The following ROBO2 variants were observed in gnomAD, a reference collection of about 807,000 sequenced individuals.
The protein encoded by ROBO2 is roundabout homolog 2.
In ROBO2, 53 loss-of-function variants were observed where a neutral mutation model predicts 160.8. That is an observed-to-expected ratio of 0.33 (90% confidence interval 0.26 to 0.41). The LOEUF (loss-of-function observed/expected upper bound fraction) is 0.41, where lower values mean the gene tolerates loss of function less well. Among genes scored for constraint, ROBO2 ranks in the 10% least tolerant of loss-of-function variants. The pLI is 1.00. For synonymous variants in ROBO2, 664 were observed against 611.7 expected, an observed-to-expected ratio of 1.09 and a Z score of -1.26; for missense variants, 1,577 against 1,722.4, an observed-to-expected ratio of 0.92 and a Z score of 1.49.
At chr3:76,859,098 A>C (rs1032369812) in intron 2 of ROBO2, among the ~76,000 whole-genome samples, 1 of 152,228 alleles carries the variant, frequency 6.6e-6, no homozygotes, top group Admixed American at 6.5e-5. Flanking sequence ...GAATATGGGC[A>C]TCACTTGCAT....
intron 2 of ROBO2, among the ~76,000 whole-genome samples, chr3:76,662,047 C>T (rs752228571): frequency 2.0e-5 from 3 of 152,042 alleles, no homozygotes; most frequent in Non-Finnish European, 2.9e-5. Context: ...TTAATGTTAA[C>T]GCTAGTGAGT....
intron 25 of ROBO2, 64 bp downstream of exon 27, chr3:77,644,968 G>C: frequency 6.7e-7 from 1 of 1,494,206 alleles, no homozygotes; most frequent in Non-Finnish European, 9.3e-7. Flanking sequence ...TAATAACATT[G>C]CCACATTAAA....
At chr3:76,677,652 A>G (rs12233577) in intron 2 of ROBO2, among the ~76,000 whole-genome samples, 46,010 of 151,876 alleles carry the variant, frequency 0.3, 8,500 homozygotes, top group East Asian at 0.62. Flanking sequence ...TCATAAAGTA[A>G]TAGCTAGGGG....
intron 2 of ROBO2, among the ~76,000 whole-genome samples, chr3:77,260,885 T>C (rs184987320): frequency 1.4e-4 from 21 of 152,166 alleles, no homozygotes; most frequent in African/African-American, 4.6e-4. Flanking sequence ...GGTGGCTTTG[T>C]GGGTGGAGGC....
At chr3:77,197,533 G>A (rs1365858084) in intron 2 of ROBO2, among the ~76,000 whole-genome samples, 1 of 152,152 alleles carries the variant, frequency 6.6e-6, no homozygotes, top group Admixed American at 6.5e-5. Context: ...GTTGAGTCAG[G>A]GCTAGTAAGA....
rs58518864 is a variant in ROBO2 at position 77,382,346 on chromosome 3, CTT to C, written c.389-95053_389-95052del. ...GTTGAAATAGTAGAAAACACATGTC[CTT>C]TTTTTTTTTTTTTTAAAAAGTCTTT... is the stretch of plus-strand genomic sequence containing the variant. On this transcript the variant is annotated intron_variant, in intron 2 of 25. Coordinates refer to ENST00000461745, the Ensembl canonical transcript of ROBO2. Among the ~76,000 whole-genome samples, 679 of 135,072 alleles carry C rather than the reference CTT, an allele frequency of 5.0e-3. 3 individuals are homozygous for C. Among genetic ancestry groups the C allele is most frequent in the Middle Eastern group, 0.025 (6 of 238 alleles). 88.6% of individuals were successfully genotyped at this position (135,072 alleles called of 152,430 possible). A position where few individuals can be genotyped will look rare whatever the true frequency, so the allele number is the denominator to read the frequency against.
chr3:76,422,970 G>T (rs986331073), intron 2 of ROBO2, among the ~76,000 whole-genome samples: 1 of 152,062 alleles, frequency 6.6e-6, no homozygotes, highest in Non-Finnish European at 1.5e-5. Flanking sequence ...GGATAAACTC[G>T]GTAGGATACC....
intron 2 of ROBO2, among the ~76,000 whole-genome samples, chr3:75,969,506 G>A (rs1478405500): frequency 6.6e-6 from 1 of 151,526 alleles, no homozygotes; most frequent in East Asian, 2.0e-4. Context: ...TTCCCAAAAT[G>A]GCTGTCTCAG....
At chr3:76,040,491 G>A (rs2067244056) in intron 2 of ROBO2, among the ~76,000 whole-genome samples, 1 of 151,812 alleles carries the variant, frequency 6.6e-6, no homozygotes, top group African/African-American at 2.4e-5. Flanking sequence ...AATTCCAAAT[G>A]TAATATATTT....
chr3:76,423,649 C>A (rs1305714906), intron 2 of ROBO2, among the ~76,000 whole-genome samples: 1 of 151,978 alleles, frequency 6.6e-6, no homozygotes, highest in East Asian at 1.9e-4. Context: ...AATTTTATAA[C>A]CTGAGAATTT....
Position 77,275,486 on chromosome 3 carries a change from C to A in ROBO2, c.388+177146C>A, listed in dbSNP as rs187158269. ...GGCTAAAGATATTTCTTTCCAATTT[C>A]TCTCCCCAGTATGGTTACTCTGCCT... On this transcript the variant is annotated intron_variant, in intron 2 of 25. Coordinates refer to ENST00000461745, the Ensembl canonical transcript of ROBO2. 1.0e-3 allele frequency among the ~76,000 whole-genome samples: 152 copies of A among 152,256 alleles called. 4 individuals are homozygous for A. The highest frequency in any genetic ancestry group is 9.7e-3 in the Admixed American group (149 of 15,302).
At chr3:77,250,911 T>A (rs1368118607) in intron 2 of ROBO2, among the ~76,000 whole-genome samples, 1 of 152,212 alleles carries the variant, frequency 6.6e-6, no homozygotes, top group Non-Finnish European at 1.5e-5. Context: ...TGAAAGATCC[T>A]ACTTCCCAAC....
chr3:76,268,774 A>G (rs534842758), intron 2 of ROBO2, among the ~76,000 whole-genome samples: 55 of 152,310 alleles, frequency 3.6e-4, no homozygotes, highest in Non-Finnish European at 2.8e-4. Flanking sequence ...AGTTTTTTAA[A>G]GCATAAATTG....
chr3:76,313,740 C>A (rs373248486), intron 2 of ROBO2, among the ~76,000 whole-genome samples: 2 of 152,036 alleles, frequency 1.3e-5, no homozygotes, highest in African/African-American at 4.8e-5. Flanking sequence ...AGTTTTCTTC[C>A]GAGTTATTTT....
intron 2 of ROBO2, among the ~76,000 whole-genome samples, chr3:76,676,676 T>C (rs1283087212): frequency 1.3e-5 from 2 of 152,134 alleles, no homozygotes; most frequent in Non-Finnish European, 1.5e-5. Flanking sequence ...TTTCATGCCA[T>C]GCCCCAAGTG....
chr3:76,829,906 G>A (rs1333899372), intron 2 of ROBO2, among the ~76,000 whole-genome samples: 1 of 152,130 alleles, frequency 6.6e-6, no homozygotes, highest in Non-Finnish European at 1.5e-5. Context: ...GATCTCAGGT[G>A]ATCCACTCGC....
At chr3:77,113,794 G>A (rs1579091012) in intron 2 of ROBO2, among the ~76,000 whole-genome samples, 3 of 152,036 alleles carry the variant, frequency 2.0e-5, no homozygotes, top group South Asian at 2.1e-4. Context: ...TAATTATAGG[G>A]GCATTAACGG....
At position 76,418,801 on chromosome 3, in the gene ROBO2, C is replaced by A. The variant is rs75870333; in HGVS notation, c.109+481199C>A. 3.8e-3 allele frequency among the ~76,000 whole-genome samples: 580 copies of A among 151,512 alleles called. 5 individuals carry two copies. Among genetic ancestry groups the A allele is most frequent in the African/African-American group, 0.013 (549 of 41,290 alleles). ...TTTGGTTGAAAATATACTCAAAGAC[C>A]TTATAATCAGTTCTGTCAATTGTTA... On this transcript the variant is annotated intron_variant, in intron 2 of 26. Coordinates refer to the ROBO2 transcript ENST00000487694.
chr3:77,226,864 A>G (rs1580177538), intron 2 of ROBO2, among the ~76,000 whole-genome samples: 2 of 152,302 alleles, frequency 1.3e-5, no homozygotes, highest in East Asian at 3.9e-4. Context: ...GCTCAAATAC[A>G]GTTGCTACTG....
Sources: allele counts gnomAD v4.1 joint callset (sites outside exome capture counted in the v4.1 genomes callset), GRCh38; gene constraint gnomAD v4.1.1; transcripts MANE v1.5; gene names NCBI Gene and HGNC (gene_info 2026-07-23, HGNC 2026-07-21).